The following CPVL variants were observed in gnomAD, a reference collection of about 807,000 sequenced individuals.
The protein encoded by CPVL is probable serine carboxypeptidase CPVL.
CPVL carries 51 observed loss-of-function variants against 63.7 expected under a neutral mutation model. That is an observed-to-expected ratio of 0.80 (90% CI 0.64 to 1.01). CPVL has a LOEUF of 1.01. CPVL is among the 50% of genes least tolerant of loss of function. The pLI is 0.00. For missense variants in CPVL, 530 were observed against 573.1 expected (o/e 0.92, Z 0.77); for synonymous variants, 195 against 206.0 (o/e 0.95, Z 0.46).
At chr7:29,176,095 A>G (rs1001704192) in intron 5 of CPVL, among the ~76,000 whole-genome samples, 1 of 152,094 alleles carries the variant, frequency 6.6e-6, no homozygotes, top group Non-Finnish European at 1.5e-5. Context: ...CTGAGGCAGG[A>G]GAATGGTGTG....
downstream of CPVL, chr7:28,995,181 A>AAGTT (rs2128118735): frequency 6.6e-6 from 1 of 152,452 alleles, no homozygotes; most frequent in South Asian, 2.1e-4. Context: ...GGCAAAGATT[A>AAGTT]AGTTTGTTCT....
chr7:29,178,763 G>A (rs1218690717), intron 5 of CPVL, among the ~76,000 whole-genome samples: 1 of 152,148 alleles, frequency 6.6e-6, no homozygotes, highest in Admixed American at 6.5e-5. Context: ...ACAACTTGGA[G>A]TGGAATTAGC....
intron 12 of CPVL, among the ~76,000 whole-genome samples, chr7:29,000,407 G>A (rs1040084746): frequency 1.3e-5 from 2 of 152,028 alleles, no homozygotes; most frequent in Non-Finnish European, 2.9e-5. Context: ...AGGAAACTGT[G>A]TGTGGAAATG....
chr7:29,176,079 G>A (rs1225388290), intron 5 of CPVL, among the ~76,000 whole-genome samples: 8 of 151,978 alleles, frequency 5.3e-5, no homozygotes, highest in African/African-American at 1.7e-4. Context: ...CCAGCTACTC[G>A]GGAGGCTGAG....
At chr7:29,040,845 G>A (rs1440649204) in intron 11 of CPVL, among the ~76,000 whole-genome samples, 3 of 152,116 alleles carry the variant, frequency 2.0e-5, no homozygotes, top group South Asian at 4.1e-4. Context: ...TTATTTTGCT[G>A]CTTTTAGTGG....
At chr7:29,040,310 A>G (rs1788945499) in intron 11 of CPVL, among the ~76,000 whole-genome samples, 1 of 152,230 alleles carries the variant, frequency 6.6e-6, no homozygotes. Context: ...ACAAACAATA[A>G]TTCCCATGGG....
intron 11 of CPVL, among the ~76,000 whole-genome samples, chr7:29,058,554 T>G (rs1241435908): frequency 7.2e-5 from 11 of 152,132 alleles, no homozygotes. Flanking sequence ...GAAAACTTAC[T>G]TTAACATTTC....
chr7:29,094,052 T>C (rs1012591693), intron 5 of CPVL, among the ~76,000 whole-genome samples: 1 of 152,078 alleles, frequency 6.6e-6, no homozygotes, highest in African/African-American at 2.4e-5. Flanking sequence ...TCTTAACAAG[T>C]GAAGGAGGCC....
At chr7:29,061,913 C>T (rs544503024) in intron 11 of CPVL, among the ~76,000 whole-genome samples, 2 of 146,572 alleles carry the variant, frequency 1.4e-5, no homozygotes, top group South Asian at 4.3e-4. Context: ...CATTGCACTA[C>T]AGCTGGGCAA....
intron 12 of CPVL, among the ~76,000 whole-genome samples, chr7:29,002,893 C>T (rs2648660): frequency 1.4e-5 from 2 of 146,454 alleles, no homozygotes; most frequent in Non-Finnish European, 1.5e-5. Context: ...AAGAAGAAGA[C>T]GACATGAAAC....
At chr7:29,122,941 C>T (rs1715396519) in intron 1 of CPVL, among the ~76,000 whole-genome samples, 1 of 152,242 alleles carries the variant, frequency 6.6e-6, no homozygotes, top group East Asian at 1.9e-4. Context: ...ATGACAAGCA[C>T]ACCAGGGCCG....
At position 29,015,990 on chromosome 7, in the gene CPVL, C is replaced by T. The variant is rs151289280; in HGVS notation, c.1320+14587G>A. 2.7e-4 allele frequency among the ~76,000 whole-genome samples: 41 copies of T among 152,216 alleles called. No homozygotes were observed. The East Asian group carries it at 7.7e-3, about 29-fold the overall frequency. ...ACCGTGGCCTGAGAGCTCACAGATG[C>T]GGAATCATCGGTCGCCATCCTTATC... On this transcript the variant is annotated intron_variant, in intron 12 of 12. Coordinates refer to ENST00000265394, the MANE Select transcript of CPVL (RefSeq NM_031311.5).
chr7:29,049,797 T>A (rs549855412), intron 11 of CPVL, among the ~76,000 whole-genome samples: 1 of 152,140 alleles, frequency 6.6e-6, no homozygotes, highest in South Asian at 2.1e-4. Context: ...TCCAACAACA[T>A]ATCAAAAAGA....
chr7:29,149,085 AC>A (rs1004115677), upstream of CPVL, among the ~76,000 whole-genome samples: 1 of 151,852 alleles, frequency 6.6e-6, no homozygotes, highest in Non-Finnish European at 1.5e-5. Flanking sequence ...GTTAACTAAT[AC>A]TGAGGTTAGA....
At chr7:29,128,788 G>C (rs188441320) in intron 1 of CPVL, among the ~76,000 whole-genome samples, 1 of 151,900 alleles carries the variant, frequency 6.6e-6, no homozygotes, top group East Asian at 1.9e-4. Context: ...AAGTGTTTCA[G>C]CTAACAATGA....
At chr7:29,017,100 A>G (rs1786487323) in intron 12 of CPVL, among the ~76,000 whole-genome samples, 1 of 152,136 alleles carries the variant, frequency 6.6e-6, no homozygotes, top group Admixed American at 6.5e-5. Context: ...TGATGTTCCC[A>G]TTCTGGTTTC....
chr7:29,000,089 T>C (rs1784468909), intron 12 of CPVL, among the ~76,000 whole-genome samples: 1 of 152,192 alleles, frequency 6.6e-6, no homozygotes, highest in South Asian at 2.1e-4. Flanking sequence ...TCTAACTTCA[T>C]GTGTTCCAGA....
At chr7:29,118,483 T>G (rs1472120218) in intron 2 of CPVL, among the ~76,000 whole-genome samples, 2 of 152,206 alleles carry the variant, frequency 1.3e-5, no homozygotes, top group African/African-American at 4.8e-5. Flanking sequence ...TTCCCAAGAC[T>G]TCTCTTGTGA....
chr7:28,998,188 T>C (rs1784279075), intron 12 of CPVL, among the ~76,000 whole-genome samples: 1 of 152,200 alleles, frequency 6.6e-6, no homozygotes, highest in African/African-American at 2.4e-5. Context: ...AGGAATCTGA[T>C]GAGTGATTTC....
Sources: allele counts gnomAD v4.1 joint callset (sites outside exome capture counted in the v4.1 genomes callset), GRCh38; gene constraint gnomAD v4.1.1; transcripts MANE v1.5; gene names NCBI Gene and HGNC (gene_info 2026-07-23, HGNC 2026-07-21).